Variants in PLEKHG7 observed in about 807,000 individuals in gnomAD.
PLEKHG7 encodes pleckstrin homology and RhoGEF domain containing G7, also known as pleckstrin homology domain-containing family G member 7.
A neutral mutation model predicts 85.2 loss-of-function variants in PLEKHG7; 77 were observed. That is an observed-to-expected ratio of 0.90 (90% CI 0.75 to 1.09). The LOEUF (loss-of-function observed/expected upper bound fraction) is 1.09. Ranked by LOEUF, PLEKHG7 falls within the 50% of genes least tolerant of loss-of-function variation. PLEKHG7 has a pLI of 0.00. For synonymous variants in PLEKHG7, 301 were observed against 302.4 expected (o/e 1.00, Z 0.05); for missense variants, 777 against 804.3 (o/e 0.97, Z 0.41).
chr12:92,728,915 T>C, intron 3 of PLEKHG7, 78 bp from the exon 4 acceptor site: 1 of 1,126,652 alleles, frequency 8.9e-7, no homozygotes, highest in Admixed American at 4.2e-5. Flanking sequence ...TGTTGTTTTT[T>C]TACTTTTTAA....
intron 14 of PLEKHG7, 67 bp from the exon 15 acceptor site, chr12:92,763,974 T>C: frequency 3.7e-6 from 5 of 1,368,364 alleles, no homozygotes; most frequent in Non-Finnish European, 5.0e-6. Context: ...TGCTTACAGA[T>C]GCACTTTAGA....
chr12:92,720,765 C>T, intron 3 of PLEKHG7, among the ~76,000 whole-genome samples: 1 of 152,168 alleles, frequency 6.6e-6, no homozygotes, highest in Non-Finnish European at 1.5e-5. Context: ...TGCACATGTT[C>T]CAGGGGTTAG....
chr12:92,711,429 C>T (rs1469497738), intron 3 of PLEKHG7, among the ~76,000 whole-genome samples: 3 of 152,114 alleles, frequency 2.0e-5, no homozygotes, highest in Admixed American at 1.3e-4. Flanking sequence ...CTTCAGGACC[C>T]GCTTGAGCCC....
At position 92,761,544 on chromosome 12, in the gene PLEKHG7, GAGAGAA is replaced by G. The variant is rs1388528278; in HGVS notation, c.1637-204_1637-199del. On this transcript the variant is annotated intron_variant, in intron 13 of 16. Transcript: ENST00000344636. ...TAAGGAATTCATTGATTAAAAAAAA[GAGAGAA>G]AGAAAGAAAGAAGGAAGGAAGGAAG... 1.2e-3 allele frequency among the ~76,000 whole-genome samples: 28 copies of G among 22,894 alleles called. No individual in the cohort carries two copies. In the East Asian group the frequency reaches 0.23, roughly 189 times the overall value. 15.0% of individuals were successfully genotyped at this position (22,894 alleles called of 152,430 possible). A position where few individuals can be genotyped will look rare whatever the true frequency, so the allele number is the denominator to read the frequency against.
rs1261667221 is a variant in PLEKHG7, at chr12:92,740,855, C to T, written c.942C>T (p.Ile314=). 3 of 1,586,964 alleles carry T rather than the reference C, an allele frequency of 1.9e-6. No homozygotes were observed. The highest frequency in any genetic ancestry group is 2.6e-6 in the Non-Finnish European group (3 of 1,160,548). Residue 314 remains isoleucine (I), a splice_region_variant and synonymous_variant, in exon 8 of 17, where the codon ATC becomes ATT. Transcript: ENST00000344636. ...FLDHLLVLKM[I]FMNTLRYLQT... is the part of the protein sequence containing the mutation. ...TGTATATATTTTTTATTTCAAAGAT[C>T]TTTATGAATACACTAAGATATCTGC...
chr12:92,740,038 A>G (rs1872303146), intron 7 of PLEKHG7, among the ~76,000 whole-genome samples: 1 of 152,202 alleles, frequency 6.6e-6, no homozygotes, highest in Non-Finnish European at 1.5e-5. Flanking sequence ...GGTGATTCCG[A>G]TGCAAGTTCA....
intron 5 of PLEKHG7, among the ~76,000 whole-genome samples, chr12:92,733,850 T>G (rs1299259066): frequency 1.3e-5 from 2 of 152,190 alleles, no homozygotes; most frequent in Non-Finnish European, 2.9e-5. Flanking sequence ...ACACATGTGT[T>G]GAGCAACTGG....
chr12:92,736,614 T>C lies in PLEKHG7; in HGVS notation c.795+37T>C, dbSNP rs781192612. On this transcript the variant is annotated intron_variant, in intron 6 of 16. Transcript: ENST00000344636. ...ACTGTTAACTATGGGGTTTGACTTT[T>C]TCTTTTCGTTTTTTGGTGGGGTGGG... 4.6e-4 allele frequency: 542 copies of C among 1,183,648 alleles called. 1 individual carries two copies. The highest frequency in any genetic ancestry group is 5.6e-4 in the Non-Finnish European group (527 of 944,122). The allele number at this position is 1,183,648 out of a possible 1,614,324, so 73.3% of individuals were successfully genotyped here.
At chr12:92,709,658 C>T in intron 3 of PLEKHG7, among the ~76,000 whole-genome samples, 1 of 152,036 alleles carries the variant, frequency 6.6e-6, no homozygotes, top group East Asian at 1.9e-4. Context: ...TGCATGAAGC[C>T]ATTTGCAAAA....
intron 4 of PLEKHG7, among the ~76,000 whole-genome samples, chr12:92,730,195 C>T (rs759738424): frequency 4.6e-5 from 7 of 152,158 alleles, no homozygotes; most frequent in Non-Finnish European, 8.8e-5. Flanking sequence ...CATCTACTTA[C>T]TGTCTTATAT....
chr12:92,732,100 G>A (rs1263877575), intron 4 of PLEKHG7, 133 bp from the exon 5 acceptor site: 4 of 450,124 alleles, frequency 8.9e-6, no homozygotes, highest in African/African-American at 6.1e-5. Context: ...GCATTCTCAA[G>A]AGAAAGAGAA....
chr12:92,713,599 A>C (rs1871407113), intron 3 of PLEKHG7, among the ~76,000 whole-genome samples: 1 of 152,204 alleles, frequency 6.6e-6, no homozygotes, highest in Non-Finnish European at 1.5e-5. Context: ...GAGAAGAGCA[A>C]TTACAGGGCT....
At chr12:92,705,587 G>A (rs1032415989) in intron 1 of PLEKHG7, among the ~76,000 whole-genome samples, 3 of 152,134 alleles carry the variant, frequency 2.0e-5, no homozygotes, top group African/African-American at 7.2e-5. Flanking sequence ...AACAATCCAC[G>A]CACAGTCTGA....
chr12:92,765,629 C>CAA (rs1253858910), intron 15 of PLEKHG7, among the ~76,000 whole-genome samples: 17 of 118,568 alleles, frequency 1.4e-4, no homozygotes, highest in Admixed American at 3.5e-4. Flanking sequence ...AACTCCATCT[C>CAA]AAAAAAAAAA....
chr12:92,765,520 T>C (rs934645182), intron 15 of PLEKHG7, among the ~76,000 whole-genome samples: 1 of 151,644 alleles, frequency 6.6e-6, no homozygotes, highest in African/African-American at 2.4e-5. Context: ...CCCCAGCTAC[T>C]CTGGAGGCTT....
At chr12:92,739,525 T>C (rs558562259) in intron 7 of PLEKHG7, among the ~76,000 whole-genome samples, 7 of 152,340 alleles carry the variant, frequency 4.6e-5, no homozygotes, top group African/African-American at 1.7e-4. Context: ...TCTATCCCAC[T>C]GTAAGCTGTC....
rs748958929 is a variant in PLEKHG7 at position 92,770,103 on chromosome 12, C to T, written c.1984C>T (p.Gln662Ter). The T allele has an allele frequency of 3.1e-6, 5 of 1,596,660 alleles. No individual in the cohort carries two copies. In the African/African-American group the frequency reaches 4.1e-5, roughly 13 times the overall value. Residue 662 changes from glutamine to a stop codon, truncating the protein, a stop_gained, in exon 17 of 17, where the codon CAA becomes TAA. Coordinates refer to ENST00000344636, the MANE Select transcript of PLEKHG7 (RefSeq NM_001377329.1). LOFTEE classifies it high-confidence loss of function. ...TTTTCAACAGAAAACATGGATGGCA[C>T]AAATAACAACTGCAATTTCTTGCTT... ...TENIKKTWMA[Q>*]ITTAISCFTK...
intron 3 of PLEKHG7, among the ~76,000 whole-genome samples, chr12:92,717,052 T>C (rs895923307): frequency 2.6e-5 from 4 of 152,246 alleles, no homozygotes; most frequent in Admixed American, 6.5e-5. Flanking sequence ...CTTTTGTGGA[T>C]AGGGAAACAT....
chr12:92,720,751 C>T (rs1871616224), intron 3 of PLEKHG7, among the ~76,000 whole-genome samples: 1 of 152,168 alleles, frequency 6.6e-6, no homozygotes, highest in Non-Finnish European at 1.5e-5. Flanking sequence ...CAAATAAGGC[C>T]ATATGCACAT....
Sources: allele counts gnomAD v4.1 joint callset (sites outside exome capture counted in the v4.1 genomes callset), GRCh38; gene constraint gnomAD v4.1.1; transcripts MANE v1.5; gene names NCBI Gene and HGNC (gene_info 2026-07-23, HGNC 2026-07-21).